BCAR3: variants seen among roughly 807,000 people sequenced by gnomAD.
BCAR3 encodes BCAR3 adaptor protein, NSP family member.
In BCAR3, 37 loss-of-function variants were observed where a neutral mutation model predicts 80.1. That is an observed-to-expected ratio of 0.46 (90% CI 0.36 to 0.61). The LOEUF is 0.61. Ranked by LOEUF, BCAR3 falls within the 20% of genes least tolerant of loss-of-function variation. BCAR3 has a pLI of 0.00. For synonymous variants in BCAR3, 389 were observed against 418.9 expected, an observed-to-expected ratio of 0.93 and a Z score of 0.87; for missense variants, 978 against 1,068.2, an observed-to-expected ratio of 0.92 and a Z score of 1.18.
At chr1:93,663,344 G>A (rs1237350672) in intron 2 of BCAR3, among the ~76,000 whole-genome samples, 1 of 152,120 alleles carries the variant, frequency 6.6e-6, no homozygotes, top group African/African-American at 2.4e-5. Flanking sequence ...TGCATGACCC[G>A]ACCTTCCCTG....
At chr1:93,717,020 CT>C (rs1650212576) in intron 2 of BCAR3, among the ~76,000 whole-genome samples, 1 of 152,198 alleles carries the variant, frequency 6.6e-6, no homozygotes, top group African/African-American at 2.4e-5. Flanking sequence ...GTGGGCTGGC[CT>C]TTTGATGAAC....
intron 3 of BCAR3, among the ~76,000 whole-genome samples, chr1:93,617,904 T>G (rs72963385): frequency 0.04 from 6,153 of 152,226 alleles, 438 homozygotes; most frequent in African/African-American, 0.14. Flanking sequence ...AAGGGGCAAG[T>G]TGATCCGCAG....
chr1:93,705,014 T>A (rs1186064350), intron 3 of BCAR3, among the ~76,000 whole-genome samples: 1 of 151,902 alleles, frequency 6.6e-6, no homozygotes, highest in Non-Finnish European at 1.5e-5. Flanking sequence ...CCTTACCTAG[T>A]TCTGTTTAAA....
chr1:93,764,978 C>T lies in BCAR3; in HGVS notation c.-62-58836G>A, dbSNP rs536527379. ...TCTCCTGTTCAAGTGGGACCTCGCTCTTACGCCAGGCAGCCCTAAGGATTG... is the reference window on the plus strand; with the variant it reads ...TCTCCTGTTCAAGTGGGACCTCGCTTTTACGCCAGGCAGCCCTAAGGATTG... On this transcript the variant is annotated intron_variant, in intron 2 of 13. Coordinates refer to the BCAR3 transcript ENST00000370244. Among the ~76,000 whole-genome samples the T allele has an allele frequency of 2.9e-3, 449 of 152,294 alleles. 2 individuals carry two copies. Among genetic ancestry groups the T allele is most frequent in the African/African-American group, 0.01 (426 of 41,560 alleles).
intron 2 of BCAR3, among the ~76,000 whole-genome samples, chr1:93,720,722 A>G (rs1349387424): frequency 6.6e-6 from 1 of 152,238 alleles, no homozygotes; most frequent in Non-Finnish European, 1.5e-5. Context: ...CTACAAACAA[A>G]AGGTAGAAAG....
chr1:93,611,003 G>A (rs236344), intron 3 of BCAR3, among the ~76,000 whole-genome samples: 43,434 of 151,926 alleles, frequency 0.29, 8,371 homozygotes, highest in African/African-American at 0.56. Context: ...GATTCTGGGC[G>A]GGCTGTTTCT....
At chr1:93,564,435 C>T (rs762036584) in intron 11 of BCAR3, among the ~76,000 whole-genome samples, 21 of 151,774 alleles carry the variant, frequency 1.4e-4, no homozygotes, top group Non-Finnish European at 2.5e-4. Context: ...TGCGCCACCA[C>T]GCCCGGCTAA....
chr1:93,665,758 G>C (rs548484835), intron 2 of BCAR3, among the ~76,000 whole-genome samples: 2 of 152,214 alleles, frequency 1.3e-5, no homozygotes, highest in Admixed American at 6.5e-5. Flanking sequence ...ACCCCAAACA[G>C]AAGTCCTGAT....
Position 93,641,373 on chromosome 1 carries a change from C to T in BCAR3, c.357+931G>A, listed in dbSNP as rs559837874. 8.5e-5 allele frequency among the ~76,000 whole-genome samples: 13 copies of T among 152,224 alleles called. No individual in the cohort carries two copies. The South Asian group carries it at 1.5e-3, about 17-fold the overall frequency. ...TAGGATGCTGCTGCCTTTGGGATAG[C>T]GAAGGTGGAATGAGACTCCTGATTC... On this transcript the variant is annotated intron_variant, in intron 3 of 11. Coordinates refer to ENST00000260502, the MANE Select transcript of BCAR3 (RefSeq NM_003567.4).
At chr1:93,677,284 G>A (rs1213362067) in intron 1 of BCAR3, among the ~76,000 whole-genome samples, 2 of 152,202 alleles carry the variant, frequency 1.3e-5, no homozygotes, top group South Asian at 4.1e-4. Flanking sequence ...GATGCATAAA[G>A]GCATGGAAGT....
intron 2 of BCAR3, among the ~76,000 whole-genome samples, chr1:93,768,237 C>T (rs945581981): frequency 1.3e-5 from 2 of 151,298 alleles, no homozygotes; most frequent in African/African-American, 4.9e-5. Flanking sequence ...GGCAGAAGCT[C>T]TGCTCAAAAG....
chr1:93,562,424 TGAAAC>T lies in BCAR3; in HGVS notation c.2300-10_2300-6del. ...TTTCTTCATCTGGTTGAAAACCTAA[TGAAAC>T]AAAATAAACAAAAAGTTACTTCAGT... On this transcript the variant is annotated splice_polypyrimidine_tract_variant and splice_region_variant and intron_variant, in intron 11 of 11. Coordinates refer to ENST00000260502, the MANE Select transcript of BCAR3 (RefSeq NM_003567.4). The T allele has an allele frequency of 6.2e-7, 1 of 1,612,316 alleles. No homozygotes were observed. The highest frequency in any genetic ancestry group is 2.2e-5 in the East Asian group (1 of 44,840).
chr1:93,577,124 A>G (rs1303664471), intron 7 of BCAR3, among the ~76,000 whole-genome samples: 1 of 152,216 alleles, frequency 6.6e-6, no homozygotes, highest in East Asian at 1.9e-4. Context: ...ACTGTACTTA[A>G]GCCGGGGTGA....
At position 93,676,981 on chromosome 1, in the gene BCAR3, C is replaced by T. The variant is rs568625105; in HGVS notation, c.-11-2040G>A. ...TGTTCTAAAATGTCCTTCAAGTTAC[C>T]AACACCTCAATTTATTCTCCAATAA... On this transcript the variant is annotated intron_variant, in intron 1 of 11. Transcript: ENST00000260502. Among the ~76,000 whole-genome samples, 4 of 152,300 alleles carry T rather than the reference C, an allele frequency of 2.6e-5. No homozygotes were observed. In the East Asian group the frequency reaches 7.7e-4, roughly 29 times the overall value.
At chr1:93,722,307 A>C (rs1650434163) in intron 2 of BCAR3, among the ~76,000 whole-genome samples, 1 of 152,252 alleles carries the variant, frequency 6.6e-6, no homozygotes, top group Admixed American at 6.5e-5. Context: ...CCTTGGGGAC[A>C]GGCTACTATT....
intron 5 of BCAR3, among the ~76,000 whole-genome samples, chr1:93,588,748 TC>T (rs1177878679): frequency 2.0e-5 from 3 of 148,984 alleles, no homozygotes; most frequent in African/African-American, 7.5e-5. Flanking sequence ...TCACAAGGTA[TC>T]CCCATCAGCA....
At chr1:93,732,679 G>A (rs929356308) in intron 2 of BCAR3, among the ~76,000 whole-genome samples, 8 of 152,284 alleles carry the variant, frequency 5.3e-5, no homozygotes, top group African/African-American at 1.9e-4. Flanking sequence ...TGAAAGGACT[G>A]AGAAAAACGA....
intron 3 of BCAR3, among the ~76,000 whole-genome samples, chr1:93,695,836 T>C (rs1248018196): frequency 6.6e-6 from 1 of 152,216 alleles, no homozygotes; most frequent in East Asian, 1.9e-4. Context: ...TCCTCTTTTG[T>C]GAATCTTTCA....
chr1:93,834,583 G>C (rs1654697188), intron 2 of BCAR3, among the ~76,000 whole-genome samples: 1 of 152,208 alleles, frequency 6.6e-6, no homozygotes, highest in South Asian at 2.1e-4. Context: ...TAGCCTTTCT[G>C]TCCAAACAAC....
Sources: gnomAD v4.1 joint callset for allele counts (sites outside exome capture counted in the v4.1 genomes callset) on GRCh38, gnomAD v4.1.1 for gene constraint, MANE v1.5 for transcripts, NCBI Gene and HGNC (gene_info 2026-07-23, HGNC 2026-07-21) for gene names.